The following SAFB variants were observed in gnomAD, a reference collection of about 807,000 sequenced individuals.
The protein encoded by SAFB is scaffold attachment factor B, also known as scaffold attachment factor B1.
A neutral mutation model predicts 101.6 loss-of-function variants in SAFB; 15 were observed. The observed-to-expected ratio is 0.15, with a 90% CI of 0.10 to 0.23. The LOEUF is 0.23. Ranked by LOEUF, SAFB falls within the 10% of genes least tolerant of loss-of-function variation. The pLI, the probability that SAFB is intolerant of heterozygous loss-of-function variation, is 1.00. For missense variants in SAFB, 930 were observed against 1,104.1 expected (o/e 0.84, Z 2.23); for synonymous variants, 449 against 407.5 (o/e 1.10, Z -1.23).
chr19:5,666,716 A>G (rs2054334135), intron 17 of SAFB: 1 of 386,288 alleles, frequency 2.6e-6, no homozygotes, highest in East Asian at 5.6e-5. Flanking sequence ...TAACCATTTG[A>G]GCTGTGGGAC....
intron 2 of SAFB, among the ~76,000 whole-genome samples, chr19:5,627,669 G>A (rs1211351130): frequency 6.6e-6 from 1 of 151,946 alleles, no homozygotes; most frequent in Non-Finnish European, 1.5e-5. Flanking sequence ...CCCCAAACAC[G>A]TGATTTACTC....
At chr19:5,666,843 G>C (rs1372769585) in intron 17 of SAFB, 18 of 658,396 alleles carry the variant, frequency 2.7e-5, no homozygotes, top group Non-Finnish European at 5.4e-6. Context: ...TACCTTTTTT[G>C]TACCAGGCCA....
intron 13 of SAFB, 51 bp from the exon 14 acceptor site, chr19:5,657,190 C>A: frequency 7.3e-7 from 1 of 1,373,868 alleles, no homozygotes; most frequent in Non-Finnish European, 1.0e-6. Context: ...CAGGCATAAG[C>A]CTCCGTGCCT....
At chr19:5,656,073 C>A (rs571456126) in intron 13 of SAFB, among the ~76,000 whole-genome samples, 1 of 152,070 alleles carries the variant, frequency 6.6e-6, no homozygotes, top group East Asian at 1.9e-4. Flanking sequence ...TGATGAAATT[C>A]TGTGTCTTTC....
chr19:5,637,110 C>G (rs1003967197), intron 2 of SAFB, among the ~76,000 whole-genome samples: 2 of 142,958 alleles, frequency 1.4e-5, no homozygotes, highest in African/African-American at 2.5e-5. Flanking sequence ...TTCGGGAGGC[C>G]GAGGCGGGTG....
intron 15 of SAFB, 132 bp from the exon 16 acceptor site, chr19:5,663,890 C>T: frequency 2.1e-6 from 2 of 968,444 alleles, no homozygotes; most frequent in Non-Finnish European, 3.1e-6. Context: ...CAGACCTTGC[C>T]TCCTATAGGA....
In SAFB at chr19:5,668,228, C is replaced by T. The variant is rs375068358; in HGVS notation, c.2691C>T (p.Gly897=). 22 of 1,610,138 alleles carry T rather than the reference C, an allele frequency of 1.4e-5. No individual in the cohort carries two copies. Among genetic ancestry groups the T allele is most frequent in the East Asian group, 4.5e-5 (2 of 44,790 alleles). The change falls in exon 21 of 21, where the codon GGC becomes GGT. Residue 897 remains glycine (G), a synonymous_variant. Coordinates refer to ENST00000588852, the MANE Select transcript of SAFB (RefSeq NM_001201338.2). The stretch of plus-strand genomic sequence containing the variant: ...CCATCCCACACGGTGGCATGCAGGG[C>T]GGGTTTGGAGGCCAGAGCCGGGGGA... ...GHPIPHGGMQ[G]GFGGQSRGSR...
At position 5,642,677 on chromosome 19, in the gene SAFB, T is replaced by TTTTTTTC. The variant is rs1162835303; in HGVS notation, c.546+731_546+732insTTTTTTC. Among the ~76,000 whole-genome samples the TTTTTTTC allele has an allele frequency of 7.8e-5, 11 of 140,256 alleles. No individual in the cohort carries two copies. The South Asian group carries it at 1.7e-3, about 22-fold the overall frequency. 92.0% of individuals were successfully genotyped at this position (140,256 alleles called of 152,430 possible). ...TTTTTTTTTTTTTTTTTTTTTTTTT[T>TTTTTTTC]CTGAGACAGAGTTTTGCTGTTGTTG... is the stretch of plus-strand genomic sequence containing the variant. On this transcript the variant is annotated intron_variant, in intron 4 of 20. Coordinates refer to ENST00000588852, the MANE Select transcript of SAFB (RefSeq NM_001201338.2).
intron 13 of SAFB, 88 bp downstream of exon 13, chr19:5,654,544 TTGAAAAAAGCTTTTGTCGGC>T: frequency 1.2e-6 from 1 of 849,670 alleles, no homozygotes; most frequent in Non-Finnish European, 2.0e-6. Flanking sequence ...TAAGCTTCAT[TTGAAAAAAGCTTTTGTCGGC>T]CGTTTCGAAA....
chr19:5,635,416 A>T (rs73920035), intron 2 of SAFB, among the ~76,000 whole-genome samples: 41 of 152,210 alleles, frequency 2.7e-4, no homozygotes, highest in African/African-American at 9.6e-4. Flanking sequence ...CATATAATGT[A>T]TGTAGATGCA....
chr19:5,632,973 T>C (rs975933498), intron 2 of SAFB, among the ~76,000 whole-genome samples: 2 of 152,224 alleles, frequency 1.3e-5, no homozygotes, highest in African/African-American at 4.8e-5. Context: ...CCATGTTAGC[T>C]GACTTCAAAT....
At chr19:5,655,062 C>T (rs976809330) in intron 13 of SAFB, among the ~76,000 whole-genome samples, 9 of 152,190 alleles carry the variant, frequency 5.9e-5, no homozygotes, top group Non-Finnish European at 1.2e-4. Flanking sequence ...CATTCCTACA[C>T]CCAGCAGTGT....
In SAFB at chr19:5,633,058, G is replaced by T. The variant is rs200607254; in HGVS notation, c.274+6569G>T. Among the ~76,000 whole-genome samples, 12 of 152,336 alleles carry T rather than the reference G, an allele frequency of 7.9e-5. No homozygotes were observed. The East Asian group carries it at 2.3e-3, about 29-fold the overall frequency. ...GTTACATTTGTGGGGAAGATACTCT[G>T]AGACTTTGTAAATATCCTGCTCATC... is the stretch of plus-strand genomic sequence containing the variant. On this transcript the variant is annotated intron_variant, in intron 2 of 20. Transcript: ENST00000588852.
rs1411198709 is a variant in SAFB at position 5,649,975 on chromosome 19, G to A, written c.1198G>A (p.Gly400Ser). ...DTKRLSKEEK[G>S]RSSCGRNFWV... ...AAAAAGGCTTTCCAAAGAGGAAAAG[G>A]GTAGGTCACCTCGGCGACACCAGTC... Residue 400 changes from glycine to serine, a missense_variant and splice_region_variant, in exon 8 of 21, where the codon GGT becomes AGT. Coordinates refer to ENST00000588852, the MANE Select transcript of SAFB (RefSeq NM_001201338.2). 6.2e-7 allele frequency: 1 copy of A among 1,613,430 alleles called. No individual in the cohort carries two copies. Among genetic ancestry groups the A allele is most frequent in the Non-Finnish European group, 8.5e-7 (1 of 1,179,372 alleles).
intron 2 of SAFB, among the ~76,000 whole-genome samples, chr19:5,632,796 G>A (rs542583443): frequency 2.0e-5 from 3 of 152,148 alleles, no homozygotes; most frequent in Non-Finnish European, 4.4e-5. Context: ...AGAGTGCAAT[G>A]GTGCAATTGT....
At chr19:5,642,128 AT>A in intron 4 of SAFB, 182 bp downstream of exon 4, 1 of 681,648 alleles carries the variant, frequency 1.5e-6, no homozygotes, top group Non-Finnish European at 2.7e-6. Flanking sequence ...GTCTTATAAC[AT>A]TTCATATGTA....
intron 15 of SAFB, among the ~76,000 whole-genome samples, chr19:5,663,376 G>A (rs77088978): frequency 0.017 from 2,574 of 152,352 alleles, 43 homozygotes; most frequent in East Asian, 0.028. Context: ...GCTGCTGTGA[G>A]GAGTCAGGTG....
rs1479494265 is a variant in SAFB, at chr19:5,667,628, G to C, written c.2557+178G>C. On this transcript the variant is annotated intron_variant, in intron 19 of 20. Coordinates refer to ENST00000588852, the MANE Select transcript of SAFB (RefSeq NM_001201338.2). This position sits in a 1 kb window ranked among gnomAD's most constrained non-coding sequence, Gnocchi z 4.0. ...GGTGGTCTGGCCCAGGAGTTGGACA[G>C]TGGGCGTTCCCGAGTTCTCTCTGCT... 2.8e-5 allele frequency: 20 copies of C among 702,114 alleles called. No homozygotes were observed. The South Asian group carries it at 2.9e-4, about 10-fold the overall frequency. The allele number at this position is 702,114 out of a possible 1,614,324, so 43.5% of individuals were successfully genotyped here.
At chr19:5,642,382 G>A (rs2053734989) in intron 4 of SAFB, among the ~76,000 whole-genome samples, 1 of 152,098 alleles carries the variant, frequency 6.6e-6, no homozygotes, top group Non-Finnish European at 1.5e-5. Flanking sequence ...GGAGTTCAAG[G>A]CTGTACTAAG....
Sources: gnomAD v4.1 joint callset for allele counts (sites outside exome capture counted in the v4.1 genomes callset) on GRCh38, gnomAD v4.1.1 for gene constraint, Gnocchi (gnomAD v3.1) non-coding constraint, MANE v1.5 for transcripts, NCBI Gene and HGNC (gene_info 2026-07-23, HGNC 2026-07-21) for gene names.